The following RER1 variants were observed in gnomAD, a reference collection of about 807,000 sequenced individuals.
The protein encoded by RER1 is retention in endoplasmic reticulum sorting receptor 1.
A neutral mutation model predicts 28.3 loss-of-function variants in RER1; 6 were observed. The ratio of observed to expected loss-of-function variants is 0.21; its 90% confidence interval spans 0.12 to 0.42. RER1 has a LOEUF of 0.42. Ranked by LOEUF, RER1 falls within the 10% of genes least tolerant of loss-of-function variation. The probability of loss-of-function intolerance (pLI) is 1.00; values close to 1 mark genes in which losing one functional copy is unlikely to be tolerated. For synonymous variants in RER1, 110 were observed against 95.9 expected (o/e 1.15, Z -0.86); for missense variants, 159 against 252.9 (o/e 0.63, Z 2.52).
intron 6 of RER1, among the ~76,000 whole-genome samples, chr1:2,402,620 G>T (rs1187122668): frequency 6.6e-6 from 1 of 152,234 alleles, no homozygotes; most frequent in Admixed American, 6.5e-5. Context: ...TGTCCCGGTG[G>T]CTCCTCTTAG....
chr1:2,393,517 G>A (rs1224332810), intron 1 of RER1, among the ~76,000 whole-genome samples: 3 of 152,206 alleles, frequency 2.0e-5, no homozygotes, highest in South Asian at 2.1e-4. Flanking sequence ...GGCTGGCCCT[G>A]ATCCAGGAAC....
intron 1 of RER1, among the ~76,000 whole-genome samples, chr1:2,393,469 G>A (rs1255871258): frequency 3.3e-5 from 5 of 152,234 alleles, no homozygotes; most frequent in Non-Finnish European, 5.9e-5. Context: ...TTCAAACTGA[G>A]CAGAGAAGAG....
rs138793026 is a variant in RER1, at chr1:2,395,625, C to A, written c.-7-159C>A. The A allele has an allele frequency of 3.6e-4, 230 of 632,606 alleles. 1 individual carries two copies. Among genetic ancestry groups the A allele is most frequent in the African/African-American group, 3.6e-3 (199 of 55,134 alleles). The allele number at this position is 632,606 out of a possible 1,614,324, so 39.2% of individuals were successfully genotyped here. On this transcript the variant is annotated intron_variant, in intron 1 of 6. Coordinates refer to ENST00000605895, the MANE Select transcript of RER1 (RefSeq NM_007033.5). ...CTCTCCAGGGAAGCCTGTGTACCTG[C>A]TACTTTTTCCCGAACAATTCATGGT... is the stretch of plus-strand genomic sequence containing the variant.
At chr1:2,400,984 C>G (rs1299727462) in intron 5 of RER1, 49 bp downstream of exon 5, 2 of 1,437,336 alleles carry the variant, frequency 1.4e-6, no homozygotes, top group African/African-American at 1.4e-5. Context: ...TCAAGGGTGG[C>G]TGAGACTGAG....
Position 2,400,900 on chromosome 1 carries a change from C to T in RER1, c.330C>T (p.Arg110=), listed in dbSNP as rs555736280. The part of the protein sequence containing the change: ...SLPTKQNEEF[R]PFIRRLPEFK... ...CCACCAAACAGAACGAGGAATTCCGCCCCTTCATTCGAAGGCTCCCAGAGT... is the reference window on the plus strand; with the variant it reads ...CCACCAAACAGAACGAGGAATTCCGTCCCTTCATTCGAAGGCTCCCAGAGT... Residue 110 remains arginine, a synonymous_variant, in exon 5 of 7, where the codon CGC becomes CGT. Transcript: ENST00000605895. 3 of 1,614,098 alleles carry T rather than the reference C, an allele frequency of 1.9e-6. No individual in the cohort carries two copies. The highest frequency in any genetic ancestry group is 1.7e-5 in the Admixed American group (1 of 60,026).
At chr1:2,394,582 A>G (rs1166157741) in intron 1 of RER1, 1 of 152,258 alleles carries the variant, frequency 6.6e-6, no homozygotes, top group African/African-American at 2.4e-5. Flanking sequence ...AAATGAGAAC[A>G]ATAAGACTGA....
At chr1:2,395,516 C>T (rs566328685) in intron 1 of RER1, 6 of 451,630 alleles carry the variant, frequency 1.3e-5, no homozygotes, top group South Asian at 2.1e-5. Flanking sequence ...TGGACAGTCC[C>T]GCCCACGCAG....
In RER1 at chr1:2,391,844, T is replaced by C. The variant is rs1642677291; in HGVS notation, c.-122T>C. ...GGCGCCGCGGAGGACGGAGCGGAAG[T>C]GCTCGCTGCAGCTTCCCGGAGCCGG... On this transcript the variant is annotated 5_prime_UTR_variant, in exon 1 of 7. Transcript: ENST00000605895. 1 of 332,644 alleles carries C rather than the reference T, an allele frequency of 3.0e-6. No individual in the cohort carries two copies. The allele number at this position is 332,644 out of a possible 1,614,324, so 20.6% of individuals were successfully genotyped here.
chr1:2,398,158 C>G (rs1048022520), intron 3 of RER1, among the ~76,000 whole-genome samples: 4 of 152,180 alleles, frequency 2.6e-5, no homozygotes, highest in African/African-American at 9.7e-5. Context: ...GGCGTCTCTT[C>G]AGGTGTGGCC....
chr1:2,395,009 T>A (rs1416074729), intron 1 of RER1: 1 of 152,296 alleles, frequency 6.6e-6, no homozygotes, highest in Non-Finnish European at 1.5e-5. Context: ...AGGCTTGGCT[T>A]GGCCTGCCCA....
At chr1:2,398,853 C>T (rs2100402686) in intron 3 of RER1, among the ~76,000 whole-genome samples, 1 of 152,356 alleles carries the variant, frequency 6.6e-6, no homozygotes, top group South Asian at 2.1e-4. Context: ...CATAAGCACA[C>T]TTTTCTGGAT....
Position 2,400,849 on chromosome 1 carries a change from C to T in RER1, c.287-8C>T. On this transcript the variant is annotated splice_polypyrimidine_tract_variant and splice_region_variant and intron_variant, in intron 4 of 6. Coordinates refer to ENST00000605895, the MANE Select transcript of RER1 (RefSeq NM_007033.5). ...GGTGCCCTCCCTGATGGTTGCTCTG[C>T]CTTACAGATGACGGTCCTTCGCTAC... The T allele has an allele frequency of 6.2e-7, 1 of 1,612,844 alleles. No individual in the cohort carries two copies. Among genetic ancestry groups the T allele is most frequent in the Non-Finnish European group, 8.5e-7 (1 of 1,178,856 alleles).
At position 2,395,834 on chromosome 1, in the gene RER1, C is replaced by T; in HGVS notation, c.44C>T (p.Pro15Leu). Reference protein sequence around the residue: ...DSVGESVHGKPSVVYRFFTRL... With the variant: ...DSVGESVHGKLSVVYRFFTRL... ...GTGGGAGAATCCGTCCATGGGAAACCTTCGGTGGTGTACAGATTTTTCACA... is the reference window on the plus strand; with the variant it reads ...GTGGGAGAATCCGTCCATGGGAAACTTTCGGTGGTGTACAGATTTTTCACA... The change falls in exon 2 of 7, where the codon CCT (proline) becomes CTT (leucine). Residue 15 changes from proline (P) to leucine (L), a missense_variant. Coordinates refer to ENST00000605895, the MANE Select transcript of RER1 (RefSeq NM_007033.5). 1 of 1,614,120 alleles carries T rather than the reference C, an allele frequency of 6.2e-7. No individual in the cohort carries two copies. Among genetic ancestry groups the T allele is most frequent in the South Asian group, 1.1e-5 (1 of 91,082 alleles).
rs1003539722 is a variant in RER1, at chr1:2,400,947, C to T, written c.365+12C>T. The T allele has an allele frequency of 2.5e-6, 4 of 1,604,954 alleles. No individual in the cohort carries two copies. The highest frequency in any genetic ancestry group is 3.4e-6 in the Non-Finnish European group (4 of 1,171,610). On this transcript the variant is annotated intron_variant, in intron 5 of 6. Transcript: ENST00000605895. ...GAGTTTAAATTTTGGTGAGCTAATT[C>T]TTCACGGTATTTGAAGAGAATTGTG...
At chr1:2,399,702 T>C (rs1642817424) in intron 4 of RER1, among the ~76,000 whole-genome samples, 188 bp downstream of exon 4, 1 of 152,114 alleles carries the variant, frequency 6.6e-6, no homozygotes, top group South Asian at 2.1e-4. Flanking sequence ...ACGAAGTGGG[T>C]GTTCATTCTG....
intron 1 of RER1, chr1:2,394,649 C>G (rs866894972): frequency 6.6e-6 from 1 of 152,272 alleles, no homozygotes; most frequent in Non-Finnish European, 1.5e-5. Flanking sequence ...TTTCTTAGAG[C>G]CTCATTTTAC....
At chr1:2,394,998 C>T (rs1642747074) in intron 1 of RER1, 1 of 152,350 alleles carries the variant, frequency 6.6e-6, no homozygotes, top group Non-Finnish European at 1.5e-5. Flanking sequence ...AGGTGGCAGT[C>T]AGGCTTGGCT....
rs765596797 is a variant in RER1, at chr1:2,403,161, A to G, written c.*37A>G. 6.6e-7 allele frequency: 1 copy of G among 1,522,162 alleles called. No individual in the cohort carries two copies. The highest frequency in any genetic ancestry group is 1.1e-5 in the South Asian group (1 of 89,140). The allele number at this position is 1,522,162 out of a possible 1,614,324, so 94.3% of individuals were successfully genotyped here. ...AGGCTGCCTCACGTGTTGCAAGAAC[A>G]GTTTTGAGCCATTGTTAACAATGCC... On this transcript the variant is annotated 3_prime_UTR_variant, in exon 7 of 7. Transcript: ENST00000605895.
intron 5 of RER1, 172 bp from the exon 6 acceptor site, chr1:2,402,035 G>C: frequency 6.5e-7 from 1 of 1,549,064 alleles, no homozygotes; most frequent in Non-Finnish European, 8.7e-7. Context: ...GTACATGTCT[G>C]TGAGCTACAT....
Sources: gnomAD v4.1 joint callset for allele counts (sites outside exome capture counted in the v4.1 genomes callset) on GRCh38, gnomAD v4.1.1 for gene constraint, MANE v1.5 for transcripts, NCBI Gene and HGNC (gene_info 2026-07-23, HGNC 2026-07-21) for gene names.